TNIK: variants seen among roughly 807,000 people sequenced by gnomAD.
TNIK encodes the protein TRAF2 and NCK interacting kinase, also known as TRAF2 and NCK-interacting protein kinase.
Under a neutral mutation model 191.3 loss-of-function variants are expected in TNIK, and 49 were observed. That is an observed-to-expected ratio of 0.26 (90% CI 0.20 to 0.32). The LOEUF (loss-of-function observed/expected upper bound fraction) is 0.32, where lower values mean the gene tolerates loss of function less well. Among genes scored for constraint, TNIK ranks in the 10% least tolerant of loss-of-function variants. TNIK has a pLI of 1.00. For synonymous variants in TNIK, 594 were observed against 600.9 expected (o/e 0.99, Z 0.17); for missense variants, 1,155 against 1,702.3 (o/e 0.68, Z 5.66).
At chr3:171,092,947 T>C (rs559527957) in intron 23 of TNIK, among the ~76,000 whole-genome samples, 1 of 152,020 alleles carries the variant, frequency 6.6e-6, no homozygotes, top group Admixed American at 6.6e-5. Flanking sequence ...GAGGAGAGAG[T>C]GAAATAAAAT....
chr3:171,293,203 T>C (rs1190527790), intron 2 of TNIK, among the ~76,000 whole-genome samples: 1 of 152,192 alleles, frequency 6.6e-6, no homozygotes, highest in Non-Finnish European at 1.5e-5. Context: ...AACAAAAAAA[T>C]CTTTTATCTA....
chr3:171,377,358 T>C (rs1253181103), intron 1 of TNIK, among the ~76,000 whole-genome samples: 1 of 152,206 alleles, frequency 6.6e-6, no homozygotes, highest in African/African-American at 2.4e-5. Flanking sequence ...CAGCCAGCAG[T>C]GACACTGCTT....
At chr3:171,096,375 C>T (rs1247547950) in intron 22 of TNIK, among the ~76,000 whole-genome samples, 1 of 152,152 alleles carries the variant, frequency 6.6e-6, no homozygotes, top group Non-Finnish European at 1.5e-5. Flanking sequence ...CACTCTTCTA[C>T]TTTCAATCTT....
chr3:171,300,409 G>T (rs1752756797), intron 2 of TNIK, among the ~76,000 whole-genome samples: 2 of 152,274 alleles, frequency 1.3e-5, no homozygotes, highest in South Asian at 4.1e-4. Flanking sequence ...TTGTAAGGAA[G>T]AAATTTTCTC....
At chr3:171,406,556 A>G (rs1288369063) in intron 1 of TNIK, among the ~76,000 whole-genome samples, 2 of 152,162 alleles carry the variant, frequency 1.3e-5, no homozygotes, top group African/African-American at 2.4e-5. Context: ...CAGCCTCCTG[A>G]GTAGCCAGGA....
intron 17 of TNIK, among the ~76,000 whole-genome samples, chr3:171,125,073 TA>T (rs1451183599): frequency 6.6e-6 from 1 of 152,216 alleles, no homozygotes; most frequent in African/African-American, 2.4e-5. Context: ...TGTAATTGAG[TA>T]AAAGCTTCTT....
At chr3:171,295,411 C>T (rs1752178862) in intron 2 of TNIK, among the ~76,000 whole-genome samples, 1 of 152,186 alleles carries the variant, frequency 6.6e-6, no homozygotes, top group Admixed American at 6.5e-5. Flanking sequence ...GACTGACAGG[C>T]AGTCCTCCAA....
intron 3 of TNIK, among the ~76,000 whole-genome samples, chr3:171,224,978 T>G (rs1742796503): frequency 1.3e-5 from 2 of 152,122 alleles, no homozygotes; most frequent in South Asian, 4.1e-4. Context: ...AAAAAGGAAG[T>G]GATATAGAAT....
chr3:171,402,656 G>A (rs1054046251), intron 1 of TNIK, among the ~76,000 whole-genome samples: 5 of 152,096 alleles, frequency 3.3e-5, no homozygotes, highest in African/African-American at 9.7e-5. Context: ...CCTTCCTCCA[G>A]CTTCAAAAAA....
At chr3:171,428,201 C>T (rs139431745) in intron 1 of TNIK, among the ~76,000 whole-genome samples, 3 of 152,198 alleles carry the variant, frequency 2.0e-5, no homozygotes, top group Non-Finnish European at 2.9e-5. Flanking sequence ...GAGATGAGTT[C>T]GGAGACTTTC....
At chr3:171,160,102 A>G (rs557291421) in intron 11 of TNIK, among the ~76,000 whole-genome samples, 101 of 152,294 alleles carry the variant, frequency 6.6e-4, no homozygotes, top group African/African-American at 2.3e-3. Flanking sequence ...AGGAATGTTC[A>G]TTTTCTATGT....
chr3:171,193,632 A>G (rs987395260), intron 5 of TNIK, among the ~76,000 whole-genome samples: 3 of 152,168 alleles, frequency 2.0e-5, no homozygotes, highest in Non-Finnish European at 4.4e-5. Flanking sequence ...TTTAACTTCT[A>G]TCCATTTCAT....
At chr3:171,314,396 C>G (rs1754369402) in intron 2 of TNIK, among the ~76,000 whole-genome samples, 2 of 152,164 alleles carry the variant, frequency 1.3e-5, no homozygotes, top group Admixed American at 1.3e-4. Flanking sequence ...TCCTCCATGA[C>G]AGCGAGACCA....
In TNIK at chr3:171,460,117, G is replaced by A. The variant is rs1729300447; in HGVS notation, c.-54C>T. ...AAAACCACCCCGAAGCTTTTCCCTT[G>A]GAAATTCCACCTTGGTCTATTTCAC... On this transcript the variant is annotated 5_prime_UTR_variant, in exon 1 of 33. Transcript: ENST00000436636. The surrounding 1 kb of genome is among the most constrained non-coding windows in gnomAD (Gnocchi z 6.8). 1 of 1,565,450 alleles carries A rather than the reference G, an allele frequency of 6.4e-7. No individual in the cohort carries two copies. The highest frequency in any genetic ancestry group is 8.7e-7 in the Non-Finnish European group (1 of 1,154,430).
chr3:171,264,952 G>A (rs1024504647), intron 2 of TNIK, among the ~76,000 whole-genome samples: 1 of 152,204 alleles, frequency 6.6e-6, no homozygotes, highest in African/African-American at 2.4e-5. Flanking sequence ...TTCAGAGGCT[G>A]CTGTATTAGG....
intron 2 of TNIK, among the ~76,000 whole-genome samples, chr3:171,358,635 T>A (rs1451739275): frequency 4.6e-5 from 7 of 152,236 alleles, no homozygotes; most frequent in Non-Finnish European, 7.3e-5. Flanking sequence ...TTTGTGGACT[T>A]CTACCTGAGA....
chr3:171,223,143 CT>C (rs1742564591), intron 3 of TNIK, among the ~76,000 whole-genome samples: 1 of 152,140 alleles, frequency 6.6e-6, no homozygotes, highest in South Asian at 2.1e-4. Context: ...AACCTCGAAA[CT>C]AAGCTATGTG....
chr3:171,367,997 T>C (rs1368978867), intron 2 of TNIK, among the ~76,000 whole-genome samples: 1 of 152,158 alleles, frequency 6.6e-6, no homozygotes, highest in Non-Finnish European at 1.5e-5. Flanking sequence ...GTTGACAACC[T>C]AGCTGCTAAA....
At chr3:171,403,379 C>T (rs1018123953) in intron 1 of TNIK, among the ~76,000 whole-genome samples, 6 of 151,828 alleles carry the variant, frequency 4.0e-5, no homozygotes, top group Admixed American at 1.3e-4. Context: ...CTTTGGGAGA[C>T]GAAGGCAGGC....
Sources: gnomAD v4.1 joint callset for allele counts (sites outside exome capture counted in the v4.1 genomes callset) on GRCh38, gnomAD v4.1.1 for gene constraint, Gnocchi (gnomAD v3.1) non-coding constraint, MANE v1.5 for transcripts, NCBI Gene and HGNC (gene_info 2026-07-23, HGNC 2026-07-21) for gene names.